Variants in PACRG observed in about 807,000 individuals in gnomAD.
PACRG encodes parkin coregulated gene protein.
Under a neutral mutation model 29.7 loss-of-function variants are expected in PACRG, and 29 were observed. That is an observed-to-expected ratio of 0.98 (90% CI 0.73 to 1.33). PACRG has a LOEUF of 1.33. PACRG is among the 40% of genes most tolerant of loss of function. The probability of loss-of-function intolerance (pLI) is 0.00; values close to 1 mark genes in which losing one functional copy is unlikely to be tolerated. For missense variants in PACRG, 279 were observed against 316.2 expected, an observed-to-expected ratio of 0.88 and a Z score of 0.89; for synonymous variants, 116 against 118.7, an observed-to-expected ratio of 0.98 and a Z score of 0.15.
At chr6:162,839,986 G>GGTTACT (rs1273942065) in intron 2 of PACRG, among the ~76,000 whole-genome samples, 1 of 129,062 alleles carries the variant, frequency 7.7e-6, no homozygotes, top group Admixed American at 8.1e-5. Context: ...ATGCTGTTTT[G>GGTTACT]GTTACTGTAG....
At chr6:163,101,165 A>G in intron 4 of PACRG, 5 of 982,002 alleles carry the variant, frequency 5.1e-6, no homozygotes, top group Non-Finnish European at 6.0e-6. Flanking sequence ...CCCGCCCCCC[A>G]AAAAACCCTA....
chr6:163,139,994 C>T (rs1289663771), intron 4 of PACRG, among the ~76,000 whole-genome samples: 7 of 152,160 alleles, frequency 4.6e-5, no homozygotes, highest in Admixed American at 3.9e-4. Context: ...TCTGCCAGGA[C>T]GAGCCCCATT....
intron 2 of PACRG, among the ~76,000 whole-genome samples, chr6:163,044,029 CA>C (rs1562860886): frequency 9.9e-5 from 15 of 152,036 alleles, no homozygotes. Context: ...GGGCTGTCCT[CA>C]GTTAGAGAAC....
intron 2 of PACRG, among the ~76,000 whole-genome samples, chr6:162,895,217 C>G (rs917846992): frequency 2.2e-5 from 3 of 139,374 alleles, no homozygotes; most frequent in African/African-American, 8.4e-5. Context: ...CTGCAGTGAG[C>G]AGTGTTCGTG....
At chr6:163,151,080 G>T (rs1005400890) in intron 4 of PACRG, among the ~76,000 whole-genome samples, 1 of 152,116 alleles carries the variant, frequency 6.6e-6, no homozygotes, top group African/African-American at 2.4e-5. Context: ...TCTCAAAGAA[G>T]ACATGAAAAT....
intron 2 of PACRG, among the ~76,000 whole-genome samples, chr6:163,059,178 G>A (rs906102601): frequency 6.6e-6 from 1 of 151,870 alleles, no homozygotes; most frequent in Non-Finnish European, 1.5e-5. Flanking sequence ...ATATGAAGAT[G>A]TAGAGATAAT....
chr6:163,184,384 G>A (rs1250799735), intron 4 of PACRG, among the ~76,000 whole-genome samples: 2 of 152,102 alleles, frequency 1.3e-5, no homozygotes, highest in African/African-American at 4.8e-5. Flanking sequence ...GTCCATACTA[G>A]CTCAGTAACA....
At chr6:163,237,600 G>A (rs562965448) in intron 4 of PACRG, among the ~76,000 whole-genome samples, 1 of 152,230 alleles carries the variant, frequency 6.6e-6, no homozygotes, top group African/African-American at 2.4e-5. Flanking sequence ...AAAGTAAATT[G>A]GAGTTGTCTC....
At chr6:163,235,543 G>A (rs1782202593) in intron 4 of PACRG, among the ~76,000 whole-genome samples, 1 of 152,124 alleles carries the variant, frequency 6.6e-6, no homozygotes, top group Non-Finnish European at 1.5e-5. Flanking sequence ...CTTGGAGAAG[G>A]GGTTTTCCTC....
intron 4 of PACRG, among the ~76,000 whole-genome samples, chr6:163,172,593 A>G (rs1242742122): frequency 1.3e-5 from 2 of 152,214 alleles, no homozygotes; most frequent in Non-Finnish European, 2.9e-5. Flanking sequence ...TCATTGATTA[A>G]CACAATTTCT....
intron 4 of PACRG, among the ~76,000 whole-genome samples, chr6:163,292,320 A>G (rs1024315293): frequency 1.3e-5 from 2 of 152,218 alleles, no homozygotes; most frequent in African/African-American, 4.8e-5. Context: ...TTTTCATGGA[A>G]CCACATTTGC....
intron 2 of PACRG, among the ~76,000 whole-genome samples, chr6:162,941,881 A>T (rs1798655340): frequency 6.6e-6 from 1 of 152,222 alleles, no homozygotes; most frequent in South Asian, 2.1e-4. Flanking sequence ...AAAGAAAAAA[A>T]GCCAGTTGCT....
intron 1 of PACRG, among the ~76,000 whole-genome samples, chr6:162,760,347 C>T (rs1270170690): frequency 6.6e-6 from 1 of 152,172 alleles, no homozygotes; most frequent in Non-Finnish European, 1.5e-5. Flanking sequence ...ATGGAGTCAG[C>T]TCTGTGGTGA....
chr6:162,761,662 G>C (rs1782365660), intron 1 of PACRG, among the ~76,000 whole-genome samples: 1 of 152,116 alleles, frequency 6.6e-6, no homozygotes, highest in African/African-American at 2.4e-5. Flanking sequence ...AGTGAGGCTG[G>C]GCACGGTGGC....
chr6:162,953,792 G>T (rs1799828695), intron 2 of PACRG, among the ~76,000 whole-genome samples: 1 of 150,568 alleles, frequency 6.6e-6, no homozygotes, highest in South Asian at 2.1e-4. Context: ...GGCATATTCT[G>T]TTCTTAAATG....
intron 2 of PACRG, among the ~76,000 whole-genome samples, chr6:163,023,987 G>T (rs1806881262): frequency 6.6e-6 from 1 of 152,056 alleles, no homozygotes; most frequent in Non-Finnish European, 1.5e-5. Context: ...TGAATGCATG[G>T]TTTACAAATA....
At chr6:163,052,499 T>G (rs1810118188) in intron 2 of PACRG, among the ~76,000 whole-genome samples, 1 of 152,198 alleles carries the variant, frequency 6.6e-6, no homozygotes, top group Non-Finnish European at 1.5e-5. Flanking sequence ...AAATCTCATC[T>G]CGAATTGTAA....
At chr6:163,113,986 C>T (rs574182814) in intron 4 of PACRG, among the ~76,000 whole-genome samples, 7 of 152,198 alleles carry the variant, frequency 4.6e-5, no homozygotes, top group African/African-American at 9.6e-5. Context: ...TTTGTAATAT[C>T]GATAACTGAT....
intron 4 of PACRG, among the ~76,000 whole-genome samples, chr6:163,268,202 C>T (rs928372859): frequency 2.6e-5 from 4 of 151,990 alleles, no homozygotes; most frequent in Non-Finnish European, 5.9e-5. Flanking sequence ...GGATTGAGAC[C>T]ATCCTGGCCA....
Sources: allele counts gnomAD v4.1 joint callset (sites outside exome capture counted in the v4.1 genomes callset), GRCh38; gene constraint gnomAD v4.1.1; transcripts MANE v1.5; gene names NCBI Gene and HGNC (gene_info 2026-07-23, HGNC 2026-07-21).